The following MS4A4A variants were observed in gnomAD, a reference collection of about 807,000 sequenced individuals.
MS4A4A encodes membrane-spanning 4-domains subfamily A member 4A.
A neutral mutation model predicts 28.0 loss-of-function variants in MS4A4A; 26 were observed. The ratio of observed to expected loss-of-function variants is 0.93; its 90% confidence interval spans 0.68 to 1.29. The LOEUF (loss-of-function observed/expected upper bound fraction) is 1.29. Among genes scored for constraint, MS4A4A ranks in the 50% most tolerant of loss-of-function variants. MS4A4A has a pLI of 0.00. For missense variants in MS4A4A, 290 were observed against 293.1 expected (o/e 0.99, Z 0.08); for synonymous variants, 86 against 100.8 (o/e 0.85, Z 0.88).
intron 3 of MS4A4A, among the ~76,000 whole-genome samples, chr11:60,299,682 C>G (rs899458492): frequency 6.6e-6 from 1 of 151,832 alleles, no homozygotes; most frequent in Non-Finnish European, 1.5e-5. Flanking sequence ...ACTGTGGTCT[C>G]GATCTCCTGG....
intron 1 of MS4A4A, among the ~76,000 whole-genome samples, chr11:60,286,894 A>T (rs1191009356): frequency 6.6e-6 from 1 of 152,068 alleles, no homozygotes; most frequent in East Asian, 1.9e-4. Flanking sequence ...ATGGATAAGG[A>T]TTTACTAGTG....
At chr11:60,300,893 T>C in intron 3 of MS4A4A, 108 bp from the exon 4 acceptor site, 1 of 759,894 alleles carries the variant, frequency 1.3e-6, no homozygotes. Context: ...TTCTTTAAGA[T>C]AATTGGTCTG....
chr11:60,287,392 C>T (rs2084812477), intron 1 of MS4A4A, among the ~76,000 whole-genome samples: 1 of 152,152 alleles, frequency 6.6e-6, no homozygotes, highest in Non-Finnish European at 1.5e-5. Flanking sequence ...GAGTCCACTC[C>T]TGTGATAACT....
chr11:60,307,733 T>A (rs905273783), intron 6 of MS4A4A, among the ~76,000 whole-genome samples: 1 of 152,212 alleles, frequency 6.6e-6, no homozygotes. Context: ...GTATTATTCA[T>A]AACTAGCAAA....
intron 1 of MS4A4A, chr11:60,282,675 T>G (rs2084765313): frequency 3.1e-6 from 4 of 1,285,106 alleles, no homozygotes; most frequent in Middle Eastern, 4.3e-4. Context: ...AATTACGTCT[T>G]TGGAACAACT....
At chr11:60,302,766 G>T (rs1448586166) in intron 5 of MS4A4A, 49 bp downstream of exon 5, 2 of 1,558,400 alleles carry the variant, frequency 1.3e-6, no homozygotes, top group African/African-American at 1.4e-5. Flanking sequence ...GCAAGTTTGG[G>T]GAGTGCTGGC....
Position 60,308,160 on chromosome 11 carries a change from A to G in MS4A4A, c.702A>G (p.Thr234=). ...HSHMAETASP[T]PLNEV ...ACATGGCAGAAACAGCATCTCCCAC[A>G]CCACTTAATGAGGTTTGAGGCCACC... The change falls in exon 7 of 7, where the codon ACA becomes ACG. Residue 234 remains threonine (T), a synonymous_variant. Coordinates refer to ENST00000337908, the MANE Select transcript of MS4A4A (RefSeq NM_148975.3). 6.2e-7 allele frequency: 1 copy of G among 1,614,032 alleles called. No homozygotes were observed.
At chr11:60,290,502 A>T (rs1292532366) in intron 1 of MS4A4A, among the ~76,000 whole-genome samples, 1 of 152,146 alleles carries the variant, frequency 6.6e-6, no homozygotes, top group Admixed American at 6.6e-5. Flanking sequence ...GAAAAGAATA[A>T]GAACATTGAT....
At chr11:60,284,547 CTT>C (rs1027467423) in intron 1 of MS4A4A, among the ~76,000 whole-genome samples, 1 of 152,200 alleles carries the variant, frequency 6.6e-6, no homozygotes, top group Non-Finnish European at 1.5e-5. Flanking sequence ...CTCTTCCTCT[CTT>C]TTGCAGTTTG....
chr11:60,308,290 ATATTAT>A lies in MS4A4A; in HGVS notation c.*119_*124del. On this transcript the variant is annotated 3_prime_UTR_variant, in exon 7 of 7. Coordinates refer to ENST00000337908, the MANE Select transcript of MS4A4A (RefSeq NM_148975.3). The stretch of plus-strand genomic sequence containing the variant: ...AACTTCGATACTGATAGACTTGTTG[ATATTAT>A]TATTATATGTAATCCAATTATGAAC... 1.2e-6 allele frequency: 1 copy of A among 865,512 alleles called. No homozygotes were observed. Among genetic ancestry groups the A allele is most frequent in the East Asian group, 2.5e-5 (1 of 39,300 alleles). 53.6% of individuals were successfully genotyped at this position (865,512 alleles called of 1,614,324 possible).
chr11:60,295,935 T>C (rs1277833736), intron 2 of MS4A4A, among the ~76,000 whole-genome samples: 1 of 152,138 alleles, frequency 6.6e-6, no homozygotes, highest in African/African-American at 2.4e-5. Context: ...TCAGAGATGT[T>C]GGTCTGTAGT....
chr11:60,303,423 C>T (rs374216371), intron 5 of MS4A4A, among the ~76,000 whole-genome samples: 3 of 151,998 alleles, frequency 2.0e-5, no homozygotes, highest in Non-Finnish European at 4.4e-5. Context: ...TATTAAAAAG[C>T]CTGGCAGGGC....
chr11:60,291,818 A>T lies in MS4A4A; in HGVS notation c.42-407A>T, dbSNP rs189118121. ...TCTCAAAAAAAAAAAACAAAAAAAC[A>T]AAACTAAAAAACAAAGTAATCCTTT... On this transcript the variant is annotated intron_variant, in intron 1 of 6. Transcript: ENST00000337908. Among the ~76,000 whole-genome samples, 190 of 151,800 alleles carry T rather than the reference A, an allele frequency of 1.3e-3. 8 individuals are homozygous for T. In the East Asian group the frequency reaches 0.023, roughly 18 times the overall value.
At position 60,297,239 on chromosome 11, in the gene MS4A4A, A is replaced by T; in HGVS notation, c.244A>T (p.Ile82Leu). ...TGCCCTGATGAGCCTTAGCATGGGA[A>T]TAACAATGATGTGTATGGCATCTAA... ...LTALMSLSMG[I>L]TMMCMASNTY... The change falls in exon 3 of 7, where the codon ATA (isoleucine) becomes TTA (leucine). Residue 82 changes from isoleucine to leucine, a missense_variant. Physicochemically the swap from Ile to Leu is conservative, Grantham distance 5. Transcript: ENST00000337908. 6.2e-7 allele frequency: 1 copy of T among 1,613,644 alleles called. No homozygotes were observed. The highest frequency in any genetic ancestry group is 8.5e-7 in the Non-Finnish European group (1 of 1,179,628).
At position 60,292,373 on chromosome 11, in the gene MS4A4A, A is replaced by G; in HGVS notation, c.190A>G (p.Lys64Glu). The change falls in exon 2 of 7, where the codon AAA (lysine) becomes GAA (glutamate). Residue 64 changes from lysine (K) to glutamate (E), a missense_variant. By Grantham distance (56) the Lys-to-Glu change is moderately conservative. Transcript: ENST00000337908. Reference sequence around the variant, plus strand: ...AGAGAAGTTCTTGAAGGGAGAACCCAAAGTCCTTGGGGTAAGTTGCAAATC... The same window carrying G: ...AGAGAAGTTCTTGAAGGGAGAACCCGAAGTCCTTGGGGTAAGTTGCAAATC... ...LQEKFLKGEP[K>E]VLGVVQILTA... The G allele has an allele frequency of 6.3e-7, 1 of 1,596,018 alleles. No individual in the cohort carries two copies. The highest frequency in any genetic ancestry group is 8.5e-7 in the Non-Finnish European group (1 of 1,173,040).
intron 1 of MS4A4A, among the ~76,000 whole-genome samples, chr11:60,291,370 A>G (rs1297390745): frequency 6.6e-6 from 1 of 152,186 alleles, no homozygotes; most frequent in Admixed American, 6.5e-5. Context: ...CATAAATCAC[A>G]CTCAGCAAGG....
At chr11:60,300,661 T>C (rs2084946155) in intron 3 of MS4A4A, among the ~76,000 whole-genome samples, 1 of 150,546 alleles carries the variant, frequency 6.6e-6, no homozygotes, top group African/African-American at 2.5e-5. Context: ...TGAGAATAAT[T>C]TTAGTGTATT....
intron 1 of MS4A4A, chr11:60,282,656 T>A: frequency 7.8e-7 from 1 of 1,285,020 alleles, no homozygotes; most frequent in Non-Finnish European, 1.0e-6. Flanking sequence ...TGTCTCAATA[T>A]AGGAATGAAA....
At chr11:60,300,024 T>G (rs2084938244) in intron 3 of MS4A4A, among the ~76,000 whole-genome samples, 1 of 152,230 alleles carries the variant, frequency 6.6e-6, no homozygotes, top group Non-Finnish European at 1.5e-5. Context: ...GTGATTTAGA[T>G]ATCATGAATC....
Sources: allele counts gnomAD v4.1 joint callset (sites outside exome capture counted in the v4.1 genomes callset), GRCh38; gene constraint gnomAD v4.1.1; transcripts MANE v1.5; gene names NCBI Gene and HGNC (gene_info 2026-07-23, HGNC 2026-07-21).